Variants in OXSR1 observed in about 807,000 individuals in gnomAD.
OXSR1 encodes the protein serine/threonine-protein kinase OSR1.
In OXSR1, 24 loss-of-function variants were observed where a neutral mutation model predicts 79.8. That is an observed-to-expected ratio of 0.30 (90% CI 0.22 to 0.42). OXSR1 has a LOEUF of 0.42. OXSR1 is among the 10% of genes least tolerant of loss of function. OXSR1 has a pLI of 1.00. For missense variants in OXSR1, 430 were observed against 618.4 expected (o/e 0.70, Z 3.23); for synonymous variants, 226 against 209.2 (o/e 1.08, Z -0.69).
chr3:38,166,058 G>A, intron 1 of OXSR1, 112 bp downstream of exon 1: 1 of 958,454 alleles, frequency 1.0e-6, no homozygotes, highest in Non-Finnish European at 1.6e-6. Context: ...AATTCGTGGG[G>A]CGCTTGTGGG....
chr3:38,183,728 A>G (rs1487808816), intron 2 of OXSR1, among the ~76,000 whole-genome samples: 2 of 152,198 alleles, frequency 1.3e-5, no homozygotes, highest in African/African-American at 4.8e-5. Flanking sequence ...GAAAGGAAGA[A>G]GAAAGGGAAG....
Position 38,165,891 on chromosome 3 carries a change from G to T in OXSR1, c.15G>T (p.Ser5=). 1 of 1,611,442 alleles carries T rather than the reference G, an allele frequency of 6.2e-7. No individual in the cohort carries two copies. Among genetic ancestry groups the T allele is most frequent in the Non-Finnish European group, 8.5e-7 (1 of 1,179,468 alleles). ...CTGCCGCCGTCATGTCCGAGGACTC[G>T]AGCGCCCTGCCCTGGTCCATCAACA... The part of the protein sequence containing the change: MSED[S]SALPWSINRD... Residue 5 remains serine (S), a synonymous_variant, in exon 1 of 18, where the codon TCG becomes TCT. Transcript: ENST00000311806.
At chr3:38,241,991 C>T (rs1406173286) in intron 11 of OXSR1, among the ~76,000 whole-genome samples, 3 of 151,138 alleles carry the variant, frequency 2.0e-5, no homozygotes, top group Admixed American at 6.6e-5. Context: ...AATTGTTATT[C>T]GTTTAGAGGT....
At chr3:38,174,852 G>C (rs574982317) in intron 1 of OXSR1, among the ~76,000 whole-genome samples, 1 of 152,322 alleles carries the variant, frequency 6.6e-6, no homozygotes, top group African/African-American at 2.4e-5. Context: ...TCACCAGAGT[G>C]AACAGGAGAG....
intron 2 of OXSR1, among the ~76,000 whole-genome samples, chr3:38,185,976 A>AC (rs1701878251): frequency 6.7e-6 from 1 of 148,862 alleles, no homozygotes; most frequent in African/African-American, 2.5e-5. Flanking sequence ...AAAAAAAAAA[A>AC]AGTCATGTGA....
intron 4 of OXSR1, among the ~76,000 whole-genome samples, chr3:38,202,968 T>C (rs1185707022): frequency 6.6e-6 from 1 of 152,136 alleles, no homozygotes; most frequent in Non-Finnish European, 1.5e-5. Context: ...ACCAGCTTCT[T>C]GTAGAAGGCT....
intron 1 of OXSR1, among the ~76,000 whole-genome samples, chr3:38,181,672 G>A (rs1001484204): frequency 2.0e-5 from 3 of 152,036 alleles, no homozygotes; most frequent in Non-Finnish European, 4.4e-5. Context: ...TTTTGTAGTC[G>A]TTTGTAGAAG....
chr3:38,211,528 A>T (rs1702387480), intron 4 of OXSR1, among the ~76,000 whole-genome samples: 1 of 152,246 alleles, frequency 6.6e-6, no homozygotes, highest in African/African-American at 2.4e-5. Flanking sequence ...TAAATGTTTT[A>T]TAAAGATAAT....
rs777470323 is a variant in OXSR1, at chr3:38,198,861, C to T, written c.432C>T (p.His144=). ...ATCTGCATAAAAATGGACAGATCCACAGGTATGTAAAAGACAATACTCTTG... is the reference window on the plus strand; with the variant it reads ...ATCTGCATAAAAATGGACAGATCCATAGGTATGTAAAAGACAATACTCTTG... ...LEYLHKNGQI[H]RDVKAGNILL... Residue 144 remains histidine, a splice_region_variant and synonymous_variant, in exon 4 of 18, where the codon CAC becomes CAT. Transcript: ENST00000311806. 1.9e-6 allele frequency: 3 copies of T among 1,612,564 alleles called. No homozygotes were observed. The highest frequency in any genetic ancestry group is 2.5e-6 in the Non-Finnish European group (3 of 1,179,096).
intron 10 of OXSR1, among the ~76,000 whole-genome samples, chr3:38,234,961 T>C (rs539175071): frequency 6.6e-6 from 1 of 152,380 alleles, no homozygotes; most frequent in South Asian, 2.1e-4. Flanking sequence ...TCAAACATTA[T>C]GCTAGTTTAA....
Position 38,165,543 on chromosome 3 carries a change from T to G in OXSR1, c.-334T>G, listed in dbSNP as rs994063367. 6 of 296,454 alleles carry G rather than the reference T, an allele frequency of 2.0e-5. No individual in the cohort carries two copies. The highest frequency in any genetic ancestry group is 3.8e-5 in the Non-Finnish European group (6 of 157,414). 18.4% of individuals were successfully genotyped at this position (296,454 alleles called of 1,614,324 possible). On this transcript the variant is annotated 5_prime_UTR_variant, in exon 1 of 18. Transcript: ENST00000311806. ...GAGGAAGAGGGGAAAGTTTGGCCCG[T>G]GCGTGGGGCTGGGGTGGAGGGCGGG...
chr3:38,202,968 T>G (rs1185707022), intron 4 of OXSR1, among the ~76,000 whole-genome samples: 1 of 152,136 alleles, frequency 6.6e-6, no homozygotes, highest in African/African-American at 2.4e-5. Context: ...ACCAGCTTCT[T>G]GTAGAAGGCT....
intron 11 of OXSR1, among the ~76,000 whole-genome samples, chr3:38,242,006 T>C (rs962097330): frequency 6.6e-6 from 1 of 152,140 alleles, no homozygotes; most frequent in African/African-American, 2.4e-5. Context: ...AGAGGTAAGT[T>C]TTTTGGTAAA....
chr3:38,185,200 T>G (rs1290786851), intron 2 of OXSR1, among the ~76,000 whole-genome samples: 1 of 151,990 alleles, frequency 6.6e-6, no homozygotes, highest in Non-Finnish European at 1.5e-5. Context: ...TTAAATCCAT[T>G]TGGAAATCTC....
intron 14 of OXSR1, 129 bp downstream of exon 14, chr3:38,247,861 G>T (rs1189094008): frequency 1.7e-6 from 1 of 586,492 alleles, no homozygotes; most frequent in Non-Finnish European, 3.0e-6. Flanking sequence ...TTTGCTTGGT[G>T]GTGTATTATT....
At chr3:38,191,515 G>A (rs1701985121) in intron 3 of OXSR1, among the ~76,000 whole-genome samples, 1 of 151,866 alleles carries the variant, frequency 6.6e-6, no homozygotes, top group African/African-American at 2.4e-5. Flanking sequence ...AACTTGATCT[G>A]TAGTCCTCTA....
intron 15 of OXSR1, among the ~76,000 whole-genome samples, chr3:38,251,037 A>G (rs1030914610): frequency 6.6e-6 from 1 of 152,256 alleles, no homozygotes; most frequent in African/African-American, 2.4e-5. Context: ...AACTTGGAGT[A>G]TGATTCCCAA....
rs1427569689 is a variant in OXSR1 at position 38,192,124 on chromosome 3, AT to A, written c.292+1287del. On this transcript the variant is annotated intron_variant, in intron 3 of 17. Coordinates refer to ENST00000311806, the MANE Select transcript of OXSR1 (RefSeq NM_005109.3). ...GGGTAGGGCCTTCACTTTTTCAAGTATTATTATAGACCCAAGGATTTTTATG... is the reference window on the plus strand; with the variant it reads ...GGGTAGGGCCTTCACTTTTTCAAGTATATTATAGACCCAAGGATTTTTATG... Among the ~76,000 whole-genome samples the A allele has an allele frequency of 9.2e-5, 14 of 152,264 alleles. 1 individual carries two copies. Among genetic ancestry groups the A allele is most frequent in the African/African-American group, 3.4e-4 (14 of 41,558 alleles).
At chr3:38,236,450 A>C (rs1435286849) in intron 10 of OXSR1, among the ~76,000 whole-genome samples, 1 of 152,180 alleles carries the variant, frequency 6.6e-6, no homozygotes, top group Non-Finnish European at 1.5e-5. Context: ...AATCATATGC[A>C]AGTATAATTT....
Sources: gnomAD v4.1 joint callset for allele counts (sites outside exome capture counted in the v4.1 genomes callset) on GRCh38, gnomAD v4.1.1 for gene constraint, MANE v1.5 for transcripts, NCBI Gene and HGNC (gene_info 2026-07-23, HGNC 2026-07-21) for gene names.